The following DMD variants were observed in gnomAD, a reference collection of about 807,000 sequenced individuals.
DMD encodes the protein mutant dystrophin.
DMD carries 63 observed loss-of-function variants against 330.1 expected under a neutral mutation model. The ratio of observed to expected loss-of-function variants is 0.19; its 90% confidence interval spans 0.16 to 0.24. DMD has a LOEUF of 0.24. Among genes scored for constraint, DMD ranks in the 10% least tolerant of loss-of-function variants. The probability of loss-of-function intolerance (pLI) is 1.00; values close to 1 mark genes in which losing one functional copy is unlikely to be tolerated. For synonymous variants in DMD, 1,223 were observed against 959.8 expected, an observed-to-expected ratio of 1.27 and a Z score of -5.07; for missense variants, 3,344 against 2,684.1, an observed-to-expected ratio of 1.25 and a Z score of -5.43.
At chrX:33,314,488 C>A (rs949555084) in intron 1 of DMD, among the ~76,000 whole-genome samples, 1 of 107,746 alleles carries the variant, frequency 9.3e-6, no homozygotes, top group Non-Finnish European at 1.9e-5. Context: ...AAACTCCTGA[C>A]CTCATGTGAT....
chrX:32,740,034 A>G (rs190807432), intron 7 of DMD, among the ~76,000 whole-genome samples: 98 of 109,485 alleles, frequency 9.0e-4, no homozygotes, highest in Non-Finnish European at 1.7e-3. Flanking sequence ...GCCTACTTGT[A>G]CTTTGATATG....
At chrX:33,044,293 G>A (rs1384611915) in intron 1 of DMD, among the ~76,000 whole-genome samples, 4 of 110,815 alleles carry the variant, frequency 3.6e-5, no homozygotes, top group Admixed American at 9.6e-5. Flanking sequence ...TTAGCCGGGC[G>A]TGGTGGTGCA....
chrX:32,616,481 G>C (rs931623488), intron 11 of DMD, among the ~76,000 whole-genome samples: 2 of 110,343 alleles, frequency 1.8e-5, no homozygotes, highest in Non-Finnish European at 3.8e-5. Flanking sequence ...TTTTTGCTTT[G>C]GATTTTTGCT....
intron 17 of DMD, among the ~76,000 whole-genome samples, chrX:32,537,165 A>G (rs993108569): frequency 9.9e-5 from 11 of 111,200 alleles, no homozygotes; most frequent in African/African-American, 3.3e-4. Context: ...GATGTGAATG[A>G]CCCTCTCTAG....
rs149984734 is a variant in DMD, at chrX:32,304,812, T to C, written c.6117+5270A>G. Among the ~76,000 whole-genome samples, 90 of 111,638 alleles carry C rather than the reference T, an allele frequency of 8.1e-4. No individual in the cohort carries two copies. The East Asian group carries it at 0.023, about 29-fold the overall frequency. On this transcript the variant is annotated intron_variant, in intron 42 of 78. Coordinates refer to ENST00000357033, the MANE Select transcript of DMD (RefSeq NM_004006.3). ...CTGATCACATTATTGCAAATGTTTATGTATAGTTCAAAAGATCAGTTTCTA... is the reference window on the plus strand; with the variant it reads ...CTGATCACATTATTGCAAATGTTTACGTATAGTTCAAAAGATCAGTTTCTA...
chrX:31,417,375 T>C, intron 60 of DMD, among the ~76,000 whole-genome samples: 1 of 109,858 alleles, frequency 9.1e-6, no homozygotes. Flanking sequence ...CACTGCAACC[T>C]CCTCCTCCCA....
intron 44 of DMD, among the ~76,000 whole-genome samples, chrX:32,204,019 T>C (rs773381802): frequency 7.8e-4 from 87 of 111,960 alleles, no homozygotes; most frequent in Non-Finnish European, 1.4e-3. Flanking sequence ...ATAACATTTT[T>C]ATGAATAAAA....
intron 42 of DMD, among the ~76,000 whole-genome samples, chrX:32,309,759 TA>T (rs1249916442): frequency 9.0e-6 from 1 of 111,343 alleles, no homozygotes; most frequent in Non-Finnish European, 1.9e-5. Context: ...AGTCATCCAT[TA>T]ACTAGGAATA....
At chrX:31,126,898 A>G (rs2033788860) in intron 77 of DMD, among the ~76,000 whole-genome samples, 1 of 111,044 alleles carries the variant, frequency 9.0e-6, no homozygotes, top group Admixed American at 9.6e-5. Context: ...GTAAACAGAT[A>G]ACATGATCCA....
At chrX:32,580,354 T>A (rs1193304331) in intron 13 of DMD, among the ~76,000 whole-genome samples, 1 of 112,291 alleles carries the variant, frequency 8.9e-6, no homozygotes. Context: ...CTTTTTTGGA[T>A]CTTTCAATCT....
intron 44 of DMD, among the ~76,000 whole-genome samples, chrX:32,063,871 A>G (rs921788070): frequency 5.4e-5 from 6 of 111,441 alleles, no homozygotes; most frequent in Non-Finnish European, 7.6e-5. Flanking sequence ...CACAAACTAT[A>G]TAAGTTCATC....
chrX:32,111,070 T>C (rs1429919693), intron 44 of DMD, among the ~76,000 whole-genome samples: 3 of 112,347 alleles, frequency 2.7e-5, no homozygotes, highest in Non-Finnish European at 5.6e-5. Context: ...GCGGATTATA[T>C]TGCATAGCTA....
rs943557017 is a variant in DMD, at chrX:32,865,654, T to C, written c.94-15834A>G. ...GGCAAATGTCTGCTTGTCTTTTCTT[T>C]TCACCCTTTCAAACATAACTAATTT... On this transcript the variant is annotated intron_variant, in intron 2 of 78. Coordinates refer to ENST00000357033, the MANE Select transcript of DMD (RefSeq NM_004006.3). Among the ~76,000 whole-genome samples, 4 of 112,743 alleles carry C rather than the reference T, an allele frequency of 3.5e-5. No homozygotes were observed. The East Asian group carries it at 1.1e-3, about 32-fold the overall frequency.
At chrX:32,298,959 G>C (rs2066697479) in intron 42 of DMD, among the ~76,000 whole-genome samples, 1 of 111,422 alleles carries the variant, frequency 9.0e-6, no homozygotes, top group African/African-American at 3.3e-5. Context: ...GACAGTCAGA[G>C]ACTCTTGGTT....
At chrX:32,529,578 T>C (rs1191578924) in intron 17 of DMD, among the ~76,000 whole-genome samples, 1 of 108,271 alleles carries the variant, frequency 9.2e-6, no homozygotes, top group Non-Finnish European at 1.9e-5. Flanking sequence ...TCTCAGATTT[T>C]CTGGGTCTAC....
At chrX:33,072,736 A>T (rs2094778986) in intron 1 of DMD, among the ~76,000 whole-genome samples, 1 of 111,247 alleles carries the variant, frequency 9.0e-6, no homozygotes, top group African/African-American at 3.3e-5. Context: ...GGAGTAGAAT[A>T]TGGGGAGATG....
At chrX:32,579,214 T>C (rs762103804) in intron 13 of DMD, among the ~76,000 whole-genome samples, 41 of 112,047 alleles carry the variant, frequency 3.7e-4, no homozygotes, top group South Asian at 7.4e-4. Context: ...GTATAACATA[T>C]GGTACAGGGC....
chrX:31,886,797 T>G (rs1485594101), intron 47 of DMD, among the ~76,000 whole-genome samples: 1 of 111,811 alleles, frequency 8.9e-6, no homozygotes, highest in Non-Finnish European at 1.9e-5. Flanking sequence ...TTTAGTGCAC[T>G]TAGACCAGAG....
rs899732013 is a variant in DMD at position 32,499,495 on chromosome X, G to A, written c.2380+2260C>T. ...AAACTATACGTGGTTAAGAGGAACAGCCATTTACATGAGGTCCTAAATGAA... is the reference window on the plus strand; with the variant it reads ...AAACTATACGTGGTTAAGAGGAACAACCATTTACATGAGGTCCTAAATGAA... On this transcript the variant is annotated intron_variant, in intron 19 of 78. Transcript: ENST00000357033. Among the ~76,000 whole-genome samples, 8 of 111,622 alleles carry A rather than the reference G, an allele frequency of 7.2e-5. No homozygotes were observed. The East Asian group carries it at 2.0e-3, about 28-fold the overall frequency.
Sources: allele counts gnomAD v4.1 joint callset (sites outside exome capture counted in the v4.1 genomes callset), GRCh38; gene constraint gnomAD v4.1.1; transcripts MANE v1.5; gene names NCBI Gene and HGNC (gene_info 2026-07-23, HGNC 2026-07-21).